The following NT5C2 variants were observed in gnomAD, a reference collection of about 807,000 sequenced individuals.
NT5C2 encodes 5'-nucleotidase, cytosolic II, also known as cytosolic purine 5'-nucleotidase.
A neutral mutation model predicts 76.1 loss-of-function variants in NT5C2; 58 were observed. That is an observed-to-expected ratio of 0.76 (90% CI 0.62 to 0.95). NT5C2 has a LOEUF of 0.95. Among genes scored for constraint, NT5C2 ranks in the 40% least tolerant of loss-of-function variants. NT5C2 has a pLI of 0.00. For missense variants in NT5C2, 478 were observed against 690.3 expected (o/e 0.69, Z 3.45); for synonymous variants, 229 against 237.4 (o/e 0.96, Z 0.32).
intron 1 of NT5C2, among the ~76,000 whole-genome samples, chr10:103,186,255 G>A (rs1293188965): frequency 6.6e-6 from 1 of 152,184 alleles, no homozygotes; most frequent in Non-Finnish European, 1.5e-5. Flanking sequence ...TTGGAACAAG[G>A]ATGTAAGGTG....
intron 3 of NT5C2, among the ~76,000 whole-genome samples, chr10:103,142,517 A>T (rs1365800808): frequency 6.6e-6 from 1 of 151,884 alleles, no homozygotes; most frequent in Non-Finnish European, 1.5e-5. Flanking sequence ...CAAAAAATAC[A>T]AAAAAAAGCT....
At position 103,125,094 on chromosome 10, in the gene NT5C2, T is replaced by C. The variant is rs561543859; in HGVS notation, c.175+14312A>G. ...TCACGGTCTATGATGTCAGCTGAGA[T>C]AGTTAGTACAATGAAACCAAACTGG... On this transcript the variant is annotated intron_variant, in intron 4 of 18. Coordinates refer to ENST00000404739, the MANE Select transcript of NT5C2 (RefSeq NM_001351169.2). 31 of 388,896 alleles carry C rather than the reference T, an allele frequency of 8.0e-5. 1 individual carries two copies. The South Asian group carries it at 8.1e-4, about 10-fold the overall frequency. 24.1% of individuals were successfully genotyped at this position (388,896 alleles called of 1,614,324 possible). A position where few individuals can be genotyped will look rare whatever the true frequency, so the allele number is the denominator to read the frequency against.
chr10:103,190,292 G>C (rs1335917202), intron 1 of NT5C2, among the ~76,000 whole-genome samples: 2 of 152,124 alleles, frequency 1.3e-5, no homozygotes, highest in Non-Finnish European at 2.9e-5. Flanking sequence ...CTTGTAAACT[G>C]CTTACCAGAA....
chr10:103,128,320 G>C (rs1340820289), intron 4 of NT5C2, among the ~76,000 whole-genome samples: 2 of 144,464 alleles, frequency 1.4e-5, no homozygotes, highest in Non-Finnish European at 3.0e-5. Flanking sequence ...CGCCAACCTC[G>C]GCCTCCCGAG....
At chr10:103,133,234 G>T (rs2078570485) in intron 4 of NT5C2, among the ~76,000 whole-genome samples, 1 of 152,140 alleles carries the variant, frequency 6.6e-6, no homozygotes, top group East Asian at 1.9e-4. Flanking sequence ...CCATGATTGT[G>T]GAGCCACTCC....
At chr10:103,175,798 A>G in intron 2 of NT5C2, 1 of 213,278 alleles carries the variant, frequency 4.7e-6, no homozygotes, top group Non-Finnish European at 9.4e-6. Flanking sequence ...AGTCTCCCCT[A>G]ATAAGTTCTC....
rs1590866092 is a variant in NT5C2, at chr10:103,106,580, A to T, written c.293+9T>A. 3 of 1,551,522 alleles carry T rather than the reference A, an allele frequency of 1.9e-6. No homozygotes were observed. The highest frequency in any genetic ancestry group is 2.2e-5 in the East Asian group (1 of 44,568). Reference sequence around the variant, plus strand: ...CTAGTCTTAATCCAAAAATATCTTTAAAAATTACCTGGTAGGGAATGTAGA... The same window carrying T: ...CTAGTCTTAATCCAAAAATATCTTTTAAAATTACCTGGTAGGGAATGTAGA... On this transcript the variant is annotated intron_variant, in intron 5 of 18. Transcript: ENST00000404739.
intron 4 of NT5C2, among the ~76,000 whole-genome samples, chr10:103,129,347 TG>T (rs1183103752): frequency 1.2e-4 from 8 of 68,170 alleles, no homozygotes; most frequent in African/African-American, 3.6e-4. Flanking sequence ...GGGAGGGAGG[TG>T]GGGGGGTCAG....
At chr10:103,185,451 G>C (rs1381533580) in intron 1 of NT5C2, among the ~76,000 whole-genome samples, 2 of 151,778 alleles carry the variant, frequency 1.3e-5, no homozygotes, top group East Asian at 3.9e-4. Context: ...TTCGAGACCA[G>C]CCTAAGCAAC....
intron 4 of NT5C2, among the ~76,000 whole-genome samples, chr10:103,107,172 A>T (rs1219537483): frequency 6.6e-6 from 1 of 152,196 alleles, no homozygotes; most frequent in African/African-American, 2.4e-5. Context: ...AAAATAATTT[A>T]TTTTTGGAAT....
At chr10:103,104,468 G>C (rs1347400254) in intron 6 of NT5C2, among the ~76,000 whole-genome samples, 2 of 152,298 alleles carry the variant, frequency 1.3e-5, no homozygotes, top group Non-Finnish European at 2.9e-5. Context: ...CAATATCTGT[G>C]TATAAAATAG....
At chr10:103,172,306 T>C (rs1313791207) in intron 3 of NT5C2, among the ~76,000 whole-genome samples, 3 of 149,490 alleles carry the variant, frequency 2.0e-5, no homozygotes, top group Admixed American at 1.3e-4. Context: ...GAGTGTGCAG[T>C]GGTGTGATCG....
intron 3 of NT5C2, among the ~76,000 whole-genome samples, chr10:103,163,587 C>A (rs1313058045): frequency 1.3e-5 from 2 of 151,772 alleles, no homozygotes; most frequent in Non-Finnish European, 2.9e-5. Context: ...GTCTTTTAAC[C>A]ATTTCATAAT....
chr10:103,096,818 C>G (rs1412959940), intron 11 of NT5C2, among the ~76,000 whole-genome samples: 1 of 138,168 alleles, frequency 7.2e-6, no homozygotes, highest in Non-Finnish European at 1.5e-5. Flanking sequence ...TGCACCCCAG[C>G]CTGGGCGACA....
In NT5C2 at chr10:103,124,379, T is replaced by A. The variant is rs1383911040; in HGVS notation, c.175+15027A>T. Reference sequence around the variant, plus strand: ...TTAAGTTCATGATCATTTGCAATACTTAAACACACAGAAAAGAGCATTAAA... The same window carrying A: ...TTAAGTTCATGATCATTTGCAATACATAAACACACAGAAAAGAGCATTAAA... On this transcript the variant is annotated intron_variant, in intron 4 of 18. Coordinates refer to ENST00000404739, the MANE Select transcript of NT5C2 (RefSeq NM_001351169.2). Among the ~76,000 whole-genome samples the A allele has an allele frequency of 2.6e-5, 4 of 152,192 alleles. No individual in the cohort carries two copies. In the South Asian group the frequency reaches 8.3e-4, roughly 32 times the overall value.
Position 103,106,631 on chromosome 10 carries a change from T to A in NT5C2, c.251A>T (p.Gln84Leu), listed in dbSNP as rs143973542. 18 of 1,613,720 alleles carry A rather than the reference T, an allele frequency of 1.1e-5. No individual in the cohort carries two copies. The East Asian group carries it at 3.3e-4, about 30-fold the overall frequency. ...ATCATAAGCAAAGCTGAGCAACTCC[T>A]GGGGATAGCCAATAGAAACTAATCT... ...VERLVSIGYPQELLSFAYDST... is the reference protein window; with the variant it reads ...VERLVSIGYPLELLSFAYDST... Residue 84 changes from glutamine (Q) to leucine (L), a missense_variant, in exon 5 of 19, where the codon CAG becomes CTG. Transcript: ENST00000404739.
intron 1 of NT5C2, among the ~76,000 whole-genome samples, chr10:103,184,712 C>A (rs375030858): frequency 6.6e-6 from 1 of 152,180 alleles, no homozygotes; most frequent in African/African-American, 2.4e-5. Context: ...CTAAATGAAT[C>A]TTTGTGAAAT....
At chr10:103,096,342 A>C (rs1411267406) in intron 11 of NT5C2, among the ~76,000 whole-genome samples, 1 of 152,172 alleles carries the variant, frequency 6.6e-6, no homozygotes, top group African/African-American at 2.4e-5. Context: ...TAGACCAACT[A>C]AGTCAACAAA....
At chr10:103,188,896 G>A (rs1265842980) in intron 1 of NT5C2, among the ~76,000 whole-genome samples, 1 of 151,930 alleles carries the variant, frequency 6.6e-6, no homozygotes, top group African/African-American at 2.4e-5. Flanking sequence ...CAGCATGCCT[G>A]TAGTACTCGG....
Sources: gnomAD v4.1 joint callset for allele counts (sites outside exome capture counted in the v4.1 genomes callset) on GRCh38, gnomAD v4.1.1 for gene constraint, MANE v1.5 for transcripts, NCBI Gene and HGNC (gene_info 2026-07-23, HGNC 2026-07-21) for gene names.